CAMTA1: variants seen among roughly 807,000 people sequenced by gnomAD.
The protein encoded by CAMTA1 is calmodulin-binding transcription activator 1.
In CAMTA1, 27 loss-of-function variants were observed where a neutral mutation model predicts 170.9. The ratio of observed to expected loss-of-function variants is 0.16; its 90% confidence interval spans 0.12 to 0.22. CAMTA1 has a LOEUF of 0.22. Ranked by LOEUF, CAMTA1 falls within the 10% of genes least tolerant of loss-of-function variation. The probability of loss-of-function intolerance (pLI) is 1.00; values close to 1 mark genes in which losing one functional copy is unlikely to be tolerated. For missense variants in CAMTA1, 1,619 were observed against 2,217.2 expected, an observed-to-expected ratio of 0.73 and a Z score of 5.42; for synonymous variants, 833 against 891.5, an observed-to-expected ratio of 0.93 and a Z score of 1.17.
chr1:7,537,504 C>T (rs1031223769), intron 6 of CAMTA1, among the ~76,000 whole-genome samples: 4 of 152,184 alleles, frequency 2.6e-5, no homozygotes, highest in East Asian at 1.9e-4. Context: ...CTGTGCACAG[C>T]GGGGCTGACT....
rs186396384 is a variant in CAMTA1 at position 6,791,547 on chromosome 1, G to A, written c.45+5972G>A. On this transcript the variant is annotated intron_variant, in intron 1 of 22. Transcript: ENST00000303635. ...GATACAATAAATTTCTTTAAGCACA[G>A]CCAAGTATATTATTTCATTTGGAGC... Among the ~76,000 whole-genome samples, 39 of 152,244 alleles carry A rather than the reference G, an allele frequency of 2.6e-4. 1 individual carries two copies. The highest frequency in any genetic ancestry group is 2.3e-3 in the Admixed American group (35 of 15,292).
At chr1:7,458,751 GCAGGGCCA>G (rs2093017645) in intron 5 of CAMTA1, among the ~76,000 whole-genome samples, 1 of 152,340 alleles carries the variant, frequency 6.6e-6, no homozygotes, top group East Asian at 1.9e-4. Context: ...CCCTGGCGTG[GCAGGGCCA>G]CAAGCTGCTT....
At chr1:6,825,830 C>T (rs535047320) in intron 3 of CAMTA1, among the ~76,000 whole-genome samples, 2 of 152,144 alleles carry the variant, frequency 1.3e-5, no homozygotes, top group Non-Finnish European at 2.9e-5. Context: ...ATCCAGGAGT[C>T]TTACTGTTAG....
chr1:7,605,041 G>A (rs1576356226), intron 6 of CAMTA1, among the ~76,000 whole-genome samples: 1 of 152,160 alleles, frequency 6.6e-6, no homozygotes, highest in African/African-American at 2.4e-5. Context: ...TCCTCTGGAA[G>A]TTTTGTCTCA....
chr1:7,525,420 A>C (rs1229282039), intron 6 of CAMTA1, among the ~76,000 whole-genome samples: 1 of 152,118 alleles, frequency 6.6e-6, no homozygotes, highest in Non-Finnish European at 1.5e-5. Flanking sequence ...CATCCGCAGG[A>C]TGGTACGCTA....
chr1:7,354,732 T>G (rs1453763022), intron 5 of CAMTA1, among the ~76,000 whole-genome samples: 3 of 152,224 alleles, frequency 2.0e-5, no homozygotes, highest in African/African-American at 7.2e-5. Context: ...GCATCTGTTA[T>G]GTTTTGACTT....
chr1:7,014,295 C>G lies in CAMTA1; in HGVS notation c.235-77009C>G, dbSNP rs1268354657. The stretch of plus-strand genomic sequence containing the variant: ...AGGGAAACCTGAGTTGAAGCCGAGC[C>G]TTGGGTTAGGCCCTGCAAAAGCTGC... On this transcript the variant is annotated intron_variant, in intron 3 of 22. Transcript: ENST00000303635. The surrounding 1 kb of genome is among the most constrained non-coding windows in gnomAD (Gnocchi z 4.2). 6.6e-6 allele frequency: 1 copy of G among 152,280 alleles called. No homozygotes were observed. Among genetic ancestry groups the G allele is most frequent in the Non-Finnish European group, 1.5e-5 (1 of 68,090 alleles). The allele number at this position is 152,280 out of a possible 1,614,324, so 9.4% of individuals were successfully genotyped here.
intron 4 of CAMTA1, among the ~76,000 whole-genome samples, chr1:7,219,996 A>T (rs1660453754): frequency 6.6e-6 from 1 of 152,230 alleles, no homozygotes; most frequent in African/African-American, 2.4e-5. Context: ...ACTGGCTGGC[A>T]TCTTGATCTC....
chr1:6,874,056 T>C (rs1432154839), intron 3 of CAMTA1: 1 of 152,266 alleles, frequency 6.6e-6, no homozygotes, highest in Non-Finnish European at 1.5e-5. Context: ...TCATCGATGC[T>C]ACTTCTGTTT....
chr1:7,632,607 A>T (rs1275031041), intron 6 of CAMTA1, among the ~76,000 whole-genome samples: 1 of 152,196 alleles, frequency 6.6e-6, no homozygotes, highest in Non-Finnish European at 1.5e-5. Context: ...CACCCTGCTT[A>T]CTCCACAGAA....
intron 6 of CAMTA1, among the ~76,000 whole-genome samples, chr1:7,544,985 A>G (rs182847067): frequency 6.6e-5 from 10 of 152,224 alleles, no homozygotes; most frequent in Non-Finnish European, 8.8e-5. Flanking sequence ...CCCACCCCCA[A>G]CACTGCCACA....
chr1:7,648,993 T>C (rs573803546), intron 7 of CAMTA1, among the ~76,000 whole-genome samples: 169 of 152,332 alleles, frequency 1.1e-3, no homozygotes, highest in Non-Finnish European at 1.7e-3. Flanking sequence ...AGGGCAGGCG[T>C]TGGAGGCCAC....
chr1:7,601,895 A>C (rs1453044192), intron 6 of CAMTA1, among the ~76,000 whole-genome samples: 1 of 151,474 alleles, frequency 6.6e-6, no homozygotes, highest in Non-Finnish European at 1.5e-5. Context: ...GCAGCAGTAC[A>C]GTCCAGCTTT....
At chr1:6,954,357 G>A (rs1689067753) in intron 3 of CAMTA1, among the ~76,000 whole-genome samples, 1 of 152,190 alleles carries the variant, frequency 6.6e-6, no homozygotes, top group African/African-American at 2.4e-5. Context: ...CGCTCCTATT[G>A]CTCGAGCTGT....
chr1:7,149,084 G>A (rs187042986), intron 4 of CAMTA1, among the ~76,000 whole-genome samples: 410 of 152,342 alleles, frequency 2.7e-3, no homozygotes, highest in African/African-American at 9.4e-3. Context: ...AGCTGCCCAG[G>A]GATTGGGGTG....
intron 6 of CAMTA1, among the ~76,000 whole-genome samples, chr1:7,623,652 C>A (rs148719829): frequency 0.015 from 2,289 of 152,338 alleles, 49 homozygotes; most frequent in South Asian, 0.087. Flanking sequence ...GCATGCGCCA[C>A]CACACCCAGC....
intron 4 of CAMTA1, among the ~76,000 whole-genome samples, chr1:7,192,211 C>T (rs1344636631): frequency 2.6e-5 from 4 of 152,212 alleles, no homozygotes; most frequent in Non-Finnish European, 5.9e-5. Flanking sequence ...ACACTGATGT[C>T]GCTTGCGTGG....
chr1:7,267,043 C>T (rs1279650718), intron 5 of CAMTA1, among the ~76,000 whole-genome samples: 1 of 152,168 alleles, frequency 6.6e-6, no homozygotes, highest in East Asian at 1.9e-4. Context: ...TTGCTTTATG[C>T]TGAGTGATGC....
intron 5 of CAMTA1, among the ~76,000 whole-genome samples, chr1:7,354,020 G>C (rs986494590): frequency 6.6e-6 from 1 of 152,072 alleles, no homozygotes; most frequent in Non-Finnish European, 1.5e-5. Flanking sequence ...TTGGTTTTCT[G>C]TTCAGGCATT....
Sources: allele counts gnomAD v4.1 joint callset (sites outside exome capture counted in the v4.1 genomes callset), GRCh38; gene constraint gnomAD v4.1.1; non-coding constraint Gnocchi (gnomAD v3.1); transcripts MANE v1.5; gene names NCBI Gene and HGNC (gene_info 2026-07-23, HGNC 2026-07-21).